CEP89: variants seen among roughly 807,000 people sequenced by gnomAD.
CEP89 encodes centrosomal protein of 89 kDa.
Under a neutral mutation model 97.6 loss-of-function variants are expected in CEP89, and 95 were observed. That is an observed-to-expected ratio of 0.97 (90% CI 0.82 to 1.15). The LOEUF (loss-of-function observed/expected upper bound fraction) is 1.15. Among genes scored for constraint, CEP89 ranks in the 50% most tolerant of loss-of-function variants. The probability of loss-of-function intolerance (pLI) is 0.00; values close to 1 mark genes in which losing one functional copy is unlikely to be tolerated. For synonymous variants in CEP89, 354 were observed against 349.1 expected (o/e 1.01, Z -0.16); for missense variants, 869 against 947.7 (o/e 0.92, Z 1.09).
chr19:32,951,108 G>A (rs1970902622), intron 4 of CEP89, among the ~76,000 whole-genome samples: 1 of 152,044 alleles, frequency 6.6e-6, no homozygotes, highest in South Asian at 2.1e-4. Context: ...GTGCACTTAT[G>A]ATTTACTCAC....
intron 9 of CEP89, among the ~76,000 whole-genome samples, chr19:32,927,508 T>C (rs1373349560): frequency 2.6e-5 from 4 of 152,166 alleles, no homozygotes; most frequent in African/African-American, 9.7e-5. Context: ...ACCTATATGT[T>C]ATCTTCAAAT....
chr19:32,927,911 T>C (rs1970394873), intron 9 of CEP89, among the ~76,000 whole-genome samples: 1 of 149,326 alleles, frequency 6.7e-6, no homozygotes, highest in Non-Finnish European at 1.5e-5. Context: ...GGCTTTTTTT[T>C]TTTTTTTCTT....
chr19:32,943,867 G>A (rs1191824658), intron 5 of CEP89, among the ~76,000 whole-genome samples: 1 of 151,982 alleles, frequency 6.6e-6, no homozygotes, highest in Non-Finnish European at 1.5e-5. Context: ...GGTATGTGGG[G>A]GTGTGAAGGG....
At chr19:32,881,310 A>G (rs1025807151) in intron 18 of CEP89, among the ~76,000 whole-genome samples, 3 of 69,010 alleles carry the variant, frequency 4.3e-5, no homozygotes, top group South Asian at 3.4e-4. Context: ...ATAAGTAGTA[A>G]TAATAATAAT....
chr19:32,888,658 G>A (rs922634040), intron 16 of CEP89, among the ~76,000 whole-genome samples: 6 of 151,040 alleles, frequency 4.0e-5, no homozygotes, highest in African/African-American at 1.5e-4. Flanking sequence ...ACTCCAGCCT[G>A]GGCAACATAG....
intron 14 of CEP89, among the ~76,000 whole-genome samples, chr19:32,904,390 C>CA (rs1297959280): frequency 2.6e-5 from 4 of 152,122 alleles, no homozygotes; most frequent in African/African-American, 7.2e-5. Context: ...CACAAACTAC[C>CA]AAAAACCTGT....
chr19:32,927,165 T>TATCCATCC (rs1005097916), intron 9 of CEP89, among the ~76,000 whole-genome samples, 181 bp from the exon 10 acceptor site: 1 of 115,428 alleles, frequency 8.7e-6, no homozygotes, highest in Non-Finnish European at 1.9e-5. Flanking sequence ...TCCATCCATC[T>TATCCATCC]ATCCATCCAT....
intron 6 of CEP89, among the ~76,000 whole-genome samples, chr19:32,938,002 A>ATTTT (rs35418144): frequency 8.4e-6 from 1 of 119,306 alleles, no homozygotes; most frequent in Non-Finnish European, 1.7e-5. Context: ...ATCACACCTA[A>ATTTT]TTTTTTTTTT....
In CEP89 at chr19:32,948,284, G is replaced by C. The variant is rs760910898; in HGVS notation, c.577C>G (p.Gln193Glu). The C allele has an allele frequency of 2.5e-6, 4 of 1,602,044 alleles. No homozygotes were observed. In the South Asian group the frequency reaches 3.3e-5, roughly 13 times the overall value. Residue 193 changes from glutamine (Q) to glutamate (E), a missense_variant, in exon 5 of 19, where the codon CAG becomes GAG. By Grantham distance (29) the Gln-to-Glu change is conservative. Transcript: ENST00000305768. ...DGFPGSPPAP[Q>E]RTQQKDGKHP... Reference sequence around the variant, plus strand: ...TTTCTACCTTTTTGTTGTGTCCGCTGTGGTGCAGGAGGGGAGCCTGGAAAC... The same window carrying C: ...TTTCTACCTTTTTGTTGTGTCCGCTCTGGTGCAGGAGGGGAGCCTGGAAAC...
chr19:32,904,536 T>A (rs1969849722), intron 14 of CEP89, among the ~76,000 whole-genome samples: 1 of 152,106 alleles, frequency 6.6e-6, no homozygotes, highest in African/African-American at 2.4e-5. Flanking sequence ...TTAAAAAAAT[T>A]TTTTCTCATG....
At position 32,878,970 on chromosome 19, in the gene CEP89, A is replaced by AAT. The variant is rs1208776615; in HGVS notation, c.*191_*192insAT. On this transcript the variant is annotated 3_prime_UTR_variant, in exon 19 of 19. Transcript: ENST00000305768. ...GAGTGAGACCCTAGCTCTAAAAAAAAAAAAAAATTAAAAAATAAAGCAAAA... is the reference window on the plus strand; with the variant it reads ...GAGTGAGACCCTAGCTCTAAAAAAAAATAAAAAAATTAAAAAATAAAGCAAAA... 6.7e-5 allele frequency: 31 copies of AAT among 463,970 alleles called. No homozygotes were observed. Among genetic ancestry groups the AAT allele is most frequent in the South Asian group, 2.1e-4 (4 of 18,942 alleles). The allele number at this position is 463,970 out of a possible 1,614,324, so 28.7% of individuals were successfully genotyped here.
chr19:32,918,874 TTTTC>T (rs1365174959), intron 12 of CEP89, among the ~76,000 whole-genome samples: 1 of 91,000 alleles, frequency 1.1e-5, no homozygotes, highest in Non-Finnish European at 2.1e-5. Flanking sequence ...TCTTTTTTCT[TTTTC>T]TTTTTCTTTT....
chr19:32,969,132 T>C (rs1599790426), intron 1 of CEP89: 1 of 152,114 alleles, frequency 6.6e-6, no homozygotes, highest in Non-Finnish European at 1.5e-5. Context: ...GTGGTCTCTG[T>C]AGCTTTCAGC....
intron 5 of CEP89, among the ~76,000 whole-genome samples, chr19:32,944,487 T>C (rs1025356982): frequency 6.6e-6 from 1 of 152,018 alleles, no homozygotes; most frequent in African/African-American, 2.4e-5. Context: ...TCCTGAGACA[T>C]CATCAGATGA....
intron 14 of CEP89, among the ~76,000 whole-genome samples, chr19:32,913,058 A>T (rs58546678): frequency 0.16 from 23,383 of 148,126 alleles, 2,083 homozygotes; most frequent in Non-Finnish European, 0.21. Flanking sequence ...ATTAAAAAAA[A>T]TTTAAAAAAT....
chr19:32,934,734 AAG>A, intron 7 of CEP89, among the ~76,000 whole-genome samples: 1 of 152,304 alleles, frequency 6.6e-6, no homozygotes, highest in South Asian at 2.1e-4. Flanking sequence ...GAAATGTGCC[AAG>A]AGAGGGCAGC....
intron 11 of CEP89, among the ~76,000 whole-genome samples, 167 bp downstream of exon 11, chr19:32,926,023 T>C (rs1970349983): frequency 6.6e-6 from 1 of 152,034 alleles, no homozygotes; most frequent in African/African-American, 2.4e-5. Context: ...CTTCTTTCCC[T>C]GCCTCCCACC....
At chr19:32,949,703 T>C (rs536707278) in intron 4 of CEP89, among the ~76,000 whole-genome samples, 24 of 152,210 alleles carry the variant, frequency 1.6e-4, no homozygotes, top group African/African-American at 5.5e-4. Context: ...TGTTACATGG[T>C]AAACTGTGAC....
Position 32,881,969 on chromosome 19 carries a change from G to A in CEP89, c.2010C>T (p.His670=). 3 of 1,588,466 alleles carry A rather than the reference G, an allele frequency of 1.9e-6. No homozygotes were observed. Among genetic ancestry groups the A allele is most frequent in the Middle Eastern group, 1.7e-4 (1 of 6,028 alleles). The change falls in exon 18 of 19, where the codon CAC becomes CAT. Residue 670 remains histidine (H), a synonymous_variant. Coordinates refer to ENST00000305768, the MANE Select transcript of CEP89 (RefSeq NM_032816.5). ...AGTCCTCCTGCTGCTCCAGCAGACG[G>A]TGACTGATGTCCCCCAGCTTCAGTG... The part of the protein sequence containing the change: ...QAALKLGDIS[H]RLLEQQEDFA...
Sources: allele counts gnomAD v4.1 joint callset (sites outside exome capture counted in the v4.1 genomes callset), GRCh38; gene constraint gnomAD v4.1.1; transcripts MANE v1.5; gene names NCBI Gene and HGNC (gene_info 2026-07-23, HGNC 2026-07-21).